Variants in KIF26B observed in about 807,000 individuals in gnomAD.
KIF26B encodes the protein kinesin family member 26B.
A neutral mutation model predicts 151.2 loss-of-function variants in KIF26B; 63 were observed. That is an observed-to-expected ratio of 0.42 (90% confidence interval 0.34 to 0.51). KIF26B has a LOEUF of 0.51. Ranked by LOEUF, KIF26B falls within the 20% of genes least tolerant of loss-of-function variation. The probability of loss-of-function intolerance (pLI) is 0.07; values close to 1 mark genes in which losing one functional copy is unlikely to be tolerated. For synonymous variants in KIF26B, 1,357 were observed against 1,262.1 expected, an observed-to-expected ratio of 1.08 and a Z score of -1.59; for missense variants, 2,813 against 2,913.6, an observed-to-expected ratio of 0.97 and a Z score of 0.79.
At chr1:245,454,097 A>G (rs568649297) in intron 4 of KIF26B, among the ~76,000 whole-genome samples, 7 of 152,252 alleles carry the variant, frequency 4.6e-5, no homozygotes, top group South Asian at 2.1e-4. Flanking sequence ...AGCCCACTCA[A>G]TATTTGAAAT....
At chr1:245,559,160 C>T (rs2994668) in intron 5 of KIF26B, among the ~76,000 whole-genome samples, 5,447 of 152,114 alleles carry the variant, frequency 0.036, 372 homozygotes, top group African/African-American at 0.12. Context: ...GCCTGGGCAA[C>T]GTAGGGAGAC....
intron 10 of KIF26B, among the ~76,000 whole-genome samples, chr1:245,682,704 C>T (rs535434529): frequency 1.4e-5 from 2 of 143,832 alleles, no homozygotes; most frequent in African/African-American, 5.5e-5. Flanking sequence ...TCATGTAAGA[C>T]CTGACTGTAT....
chr1:245,602,553 C>G lies in KIF26B; in HGVS notation c.1351-24C>G. The stretch of plus-strand genomic sequence containing the variant: ...AAACACCCAGCTGTCTTCATCCATG[C>G]TGTCGCCCATCTTTTCTTAACAGGT... On this transcript the variant is annotated intron_variant, in intron 5 of 14. Transcript: ENST00000407071. The surrounding 1 kb of genome is among the most constrained non-coding windows in gnomAD (Gnocchi z 4.5). 1 of 1,578,500 alleles carries G rather than the reference C, an allele frequency of 6.3e-7. No homozygotes were observed. The highest frequency in any genetic ancestry group is 8.6e-7 in the Non-Finnish European group (1 of 1,158,584).
intron 2 of KIF26B, among the ~76,000 whole-genome samples, chr1:245,344,311 T>C (rs758701782): frequency 6.6e-6 from 1 of 151,662 alleles, no homozygotes; most frequent in Non-Finnish European, 1.5e-5. Flanking sequence ...TGTAAGATTT[T>C]GTTTGGAAAA....
chr1:245,621,656 TATTA>T (rs1190862775), intron 9 of KIF26B, among the ~76,000 whole-genome samples: 3 of 152,254 alleles, frequency 2.0e-5, no homozygotes, highest in African/African-American at 7.2e-5. Flanking sequence ...TCTTACCTGC[TATTA>T]ATTATCACCT....
rs1283029786 is a variant in KIF26B at position 245,299,493 on chromosome 1, CATT to C, written c.466-67336_466-67334del. On this transcript the variant is annotated intron_variant, in intron 2 of 14. Transcript: ENST00000407071. ...AATTTTATATCTAATGTAAGAAAAA[CATT>C]ATTAGGAAGATTGTAATGAAAATTA... 3.3e-5 allele frequency among the ~76,000 whole-genome samples: 5 copies of C among 152,066 alleles called. No individual in the cohort carries two copies. The South Asian group carries it at 8.3e-4, about 25-fold the overall frequency.
intron 2 of KIF26B, among the ~76,000 whole-genome samples, chr1:245,256,953 C>G (rs1670548053): frequency 6.6e-6 from 1 of 152,176 alleles, no homozygotes; most frequent in Non-Finnish European, 1.5e-5. Flanking sequence ...AGGTCTTTTT[C>G]CTGATCCAGT....
At chr1:245,207,785 A>G (rs889902779) in intron 2 of KIF26B, among the ~76,000 whole-genome samples, 9 of 152,158 alleles carry the variant, frequency 5.9e-5, no homozygotes, top group African/African-American at 1.7e-4. Flanking sequence ...ACACGTACAC[A>G]TCGTTTTTCA....
intron 3 of KIF26B, among the ~76,000 whole-genome samples, chr1:245,416,655 A>C (rs1313107492): frequency 6.6e-6 from 1 of 152,216 alleles, no homozygotes; most frequent in Non-Finnish European, 1.5e-5. Context: ...TCTCGGAGGA[A>C]GTGAGGCTTG....
In KIF26B at chr1:245,155,098, G is replaced by A. The variant is rs544680192; in HGVS notation, c.-327G>A. The A allele has an allele frequency of 3.2e-5, 16 of 500,966 alleles. No homozygotes were observed. Among genetic ancestry groups the A allele is most frequent in the Non-Finnish European group, 3.4e-6 (1 of 290,488 alleles). The allele number at this position is 500,966 out of a possible 1,614,324, so 31.0% of individuals were successfully genotyped here. A position where few individuals can be genotyped will look rare whatever the true frequency, so the allele number is the denominator to read the frequency against. On this transcript the variant is annotated 5_prime_UTR_variant, in exon 1 of 15. Coordinates refer to ENST00000407071, the MANE Select transcript of KIF26B (RefSeq NM_018012.4). ...TGTATCCCTCGCTTTCCTCGTGGGG[G>A]AGCACGGACTGACTTGGCTGAAGAA...
chr1:245,517,869 A>AT (rs549396811), intron 4 of KIF26B, among the ~76,000 whole-genome samples: 3,371 of 130,992 alleles, frequency 0.026, 117 homozygotes, highest in African/African-American at 0.071. Context: ...GTGTCATGTA[A>AT]TTTTTTTTTT....
chr1:245,195,497 C>T (rs1294200065), intron 2 of KIF26B, among the ~76,000 whole-genome samples: 2 of 152,160 alleles, frequency 1.3e-5, no homozygotes, highest in Admixed American at 6.5e-5. Context: ...AGACGTGGGT[C>T]ACATAAACAG....
At chr1:245,403,478 G>C (rs577280285) in intron 3 of KIF26B, among the ~76,000 whole-genome samples, 7 of 152,258 alleles carry the variant, frequency 4.6e-5, no homozygotes, top group East Asian at 1.9e-4. Flanking sequence ...CAAAGGAGTA[G>C]TTTCCATTCT....
chr1:245,514,456 A>G (rs1427361439), intron 4 of KIF26B, among the ~76,000 whole-genome samples: 2 of 151,980 alleles, frequency 1.3e-5, no homozygotes, highest in Non-Finnish European at 2.9e-5. Flanking sequence ...TTGAACCCAG[A>G]AGGAAGAAGT....
chr1:245,490,398 G>A (rs943952960), intron 4 of KIF26B, among the ~76,000 whole-genome samples: 6 of 137,740 alleles, frequency 4.4e-5, no homozygotes, highest in Non-Finnish European at 7.5e-5. Flanking sequence ...TGCAACCTCC[G>A]CCTCCCGGGT....
intron 4 of KIF26B, among the ~76,000 whole-genome samples, chr1:245,474,867 T>C (rs1659999465): frequency 6.6e-6 from 1 of 151,844 alleles, no homozygotes; most frequent in African/African-American, 2.4e-5. Context: ...TTCCCAAATA[T>C]GAGTGAGAAC....
intron 9 of KIF26B, among the ~76,000 whole-genome samples, chr1:245,631,774 GA>G (rs1383469528): frequency 7.9e-5 from 12 of 152,062 alleles, no homozygotes; most frequent in Non-Finnish European, 1.8e-4. Flanking sequence ...TATTTGTTCA[GA>G]TTTTTTTATT....
At chr1:245,191,059 CAAAAAAAAAA>C (rs55993346) in intron 2 of KIF26B, among the ~76,000 whole-genome samples, 1 of 52,076 alleles carries the variant, frequency 1.9e-5, no homozygotes, top group Non-Finnish European at 3.1e-5. Context: ...GACTCTGTCT[CAAAAAAAAAA>C]AAAAAAAAAA....
At position 245,426,216 on chromosome 1, in the gene KIF26B, C is replaced by T. The variant is rs553547567; in HGVS notation, c.1166+6471C>T. On this transcript the variant is annotated intron_variant, in intron 4 of 14. Transcript: ENST00000407071. The stretch of plus-strand genomic sequence containing the variant: ...CTCTCTCTCCCTCCCTCCTCCCTCC[C>T]TTCTTTCCTCCCTTCCTGTTTTTCC... 2.0e-5 allele frequency among the ~76,000 whole-genome samples: 3 copies of T among 151,896 alleles called. No homozygotes were observed. The East Asian group carries it at 5.8e-4, about 29-fold the overall frequency.
Sources: allele counts gnomAD v4.1 joint callset (sites outside exome capture counted in the v4.1 genomes callset), GRCh38; gene constraint gnomAD v4.1.1; non-coding constraint Gnocchi (gnomAD v3.1); transcripts MANE v1.5; gene names NCBI Gene and HGNC (gene_info 2026-07-23, HGNC 2026-07-21).